The following TMEM232 variants were observed in gnomAD, a reference collection of about 807,000 sequenced individuals.
TMEM232 encodes transmembrane protein 232.
In TMEM232, 80 loss-of-function variants were observed where a neutral mutation model predicts 78.8. The ratio of observed to expected loss-of-function variants is 1.01; its 90% CI spans 0.85 to 1.22. The LOEUF (loss-of-function observed/expected upper bound fraction) is 1.22. TMEM232 is among the 50% of genes most tolerant of loss of function. TMEM232 has a pLI of 0.00. For synonymous variants in TMEM232, 297 were observed against 254.3 expected, an observed-to-expected ratio of 1.17 and a Z score of -1.60; for missense variants, 881 against 742.2, an observed-to-expected ratio of 1.19 and a Z score of -2.17.
chr5:110,399,708 T>C (rs1755523306), intron 2 of TMEM232, among the ~76,000 whole-genome samples: 1 of 152,162 alleles, frequency 6.6e-6, no homozygotes, highest in African/African-American at 2.4e-5. Context: ...AAGCTCTTCT[T>C]GATTTCCATC....
At chr5:110,716,820 A>G (rs952658243) in intron 1 of TMEM232, among the ~76,000 whole-genome samples, 7 of 152,182 alleles carry the variant, frequency 4.6e-5, no homozygotes, top group Non-Finnish European at 7.4e-5. Flanking sequence ...GTGTTTTAGA[A>G]GAACATTAAC....
chr5:110,705,767 T>C (rs56290107), intron 1 of TMEM232, among the ~76,000 whole-genome samples: 1 of 110,086 alleles, frequency 9.1e-6, no homozygotes, highest in African/African-American at 3.2e-5. Flanking sequence ...TGTGTGCGTG[T>C]GTGTGTGTGT....
chr5:110,456,978 C>G (rs964959209), intron 12 of TMEM232, among the ~76,000 whole-genome samples: 4 of 151,952 alleles, frequency 2.6e-5, no homozygotes, highest in South Asian at 2.1e-4. Context: ...TTCTTAGTTA[C>G]TATACGAAAA....
chr5:110,555,213 C>T (rs1251841236), intron 11 of TMEM232, among the ~76,000 whole-genome samples: 5 of 152,048 alleles, frequency 3.3e-5, no homozygotes, highest in African/African-American at 9.7e-5. Context: ...TATGTTGTAT[C>T]TTTGTTTTCA....
At chr5:110,399,974 G>A (rs545774070) in intron 2 of TMEM232, among the ~76,000 whole-genome samples, 5 of 152,218 alleles carry the variant, frequency 3.3e-5, no homozygotes, top group Middle Eastern at 3.4e-3. Context: ...GGTCCATTGC[G>A]GGGTGGAGAT....
At chr5:110,463,648 A>G (rs944884878) in intron 12 of TMEM232, among the ~76,000 whole-genome samples, 3 of 152,092 alleles carry the variant, frequency 2.0e-5, no homozygotes, top group Admixed American at 1.3e-4. Flanking sequence ...AAATGGTACA[A>G]TTCTCTCTAT....
At position 110,642,352 on chromosome 5, in the gene TMEM232, T is replaced by C. The variant is rs547056774; in HGVS notation, c.145A>G (p.Lys49Glu). The C allele has an allele frequency of 1.7e-5, 26 of 1,521,592 alleles. No individual in the cohort carries two copies. In the South Asian group the frequency reaches 3.2e-4, roughly 19 times the overall value. The allele number at this position is 1,521,592 out of a possible 1,614,324, so 94.3% of individuals were successfully genotyped here. A position where few individuals can be genotyped will look rare whatever the true frequency, so the allele number is the denominator to read the frequency against. The change falls in exon 3 of 14, where the codon AAA becomes GAA. Residue 49 changes from lysine (K) to glutamate (E), a missense_variant. Lys to Glu is a moderately conservative substitution (Grantham distance 56). Coordinates refer to ENST00000455884, the MANE Select transcript of TMEM232 (RefSeq NM_001039763.4). Reference sequence around the variant, plus strand: ...TGATTGAATCTCAAGATGAATTCTTTTGTGATTGAAAATGTTGGCCTAAAT... The same window carrying C: ...TGATTGAATCTCAAGATGAATTCTTCTGTGATTGAAAATGTTGGCCTAAAT... The part of the protein sequence containing the change: ...HKSRPTFSIT[K>E]EFILRFNQTQ...
At position 110,424,887 on chromosome 5, in the gene TMEM232, A is replaced by G. The variant is rs1305195103; in HGVS notation, c.1733T>C (p.Met578Thr). Residue 578 changes from methionine (M) to threonine (T), a missense_variant, in exon 13 of 14, where the codon ATG becomes ACG. Met to Thr is a moderately conservative substitution (Grantham distance 81, BLOSUM62 -1). Transcript: ENST00000455884. ...REHPSVSEIP[M>T]FPYPDFFTKA... is the part of the protein sequence containing the mutation. ...GGTGAAGAAATCTGGATATGGAAACATGGGAATTTCTGATACAGAAGGATG... is the reference window on the plus strand; with the variant it reads ...GGTGAAGAAATCTGGATATGGAAACGTGGGAATTTCTGATACAGAAGGATG... 6.5e-7 allele frequency: 1 copy of G among 1,550,368 alleles called. No homozygotes were observed.
At chr5:110,651,459 A>AAAGGGAAAGAGGGAAGGAGGGAGG (rs1788287138) in intron 2 of TMEM232, among the ~76,000 whole-genome samples, 1 of 150,856 alleles carries the variant, frequency 6.6e-6, no homozygotes, top group Non-Finnish European at 1.5e-5. Flanking sequence ...AGGGAAAGGG[A>AAAGGGAAAGAGGGAAGGAGGGAGG]AAGGGAAAGA....
At chr5:110,552,302 C>T (rs1027019191) in intron 11 of TMEM232, among the ~76,000 whole-genome samples, 4 of 151,706 alleles carry the variant, frequency 2.6e-5, no homozygotes, top group African/African-American at 9.7e-5. Context: ...GGAAAAAATA[C>T]AATGATAAAA....
chr5:110,422,937 C>G (rs926680700), intron 13 of TMEM232, among the ~76,000 whole-genome samples: 2 of 152,064 alleles, frequency 1.3e-5, no homozygotes, highest in African/African-American at 4.8e-5. Context: ...AATGGAAGCA[C>G]CATTTACTGC....
chr5:110,398,568 T>A (rs532032060), intron 2 of TMEM232, among the ~76,000 whole-genome samples: 2 of 152,250 alleles, frequency 1.3e-5, no homozygotes, highest in East Asian at 3.9e-4. Context: ...TGCCACATGC[T>A]AGTTATCTTG....
chr5:110,434,582 G>A (rs1258288719), intron 12 of TMEM232, among the ~76,000 whole-genome samples: 2 of 151,912 alleles, frequency 1.3e-5, no homozygotes, highest in Non-Finnish European at 2.9e-5. Context: ...AAATCGAGGA[G>A]GAAGGACACC....
At chr5:110,502,159 T>A (rs1235214377) in intron 12 of TMEM232, among the ~76,000 whole-genome samples, 1 of 152,186 alleles carries the variant, frequency 6.6e-6, no homozygotes, top group Non-Finnish European at 1.5e-5. Context: ...TGTTGTAATT[T>A]AAAAATATGG....
At chr5:110,412,993 A>G (rs914624519) in intron 2 of TMEM232, among the ~76,000 whole-genome samples, 1 of 152,150 alleles carries the variant, frequency 6.6e-6, no homozygotes, top group Non-Finnish European at 1.5e-5. Context: ...CTAACCTGAA[A>G]TCCATGTGTG....
intron 4 of TMEM232, among the ~76,000 whole-genome samples, chr5:110,640,417 T>A (rs973833069): frequency 1.3e-5 from 2 of 152,088 alleles, no homozygotes. Context: ...ATTTTTTTTT[T>A]AGATTAGTTA....
intron 3 of TMEM232, among the ~76,000 whole-genome samples, chr5:110,396,602 CCTAT>C (rs1305027200): frequency 6.6e-6 from 1 of 152,226 alleles, no homozygotes; most frequent in East Asian, 1.9e-4. Context: ...GCACCCAGCA[CCTAT>C]CTGAGGAGCT....
At chr5:110,588,297 A>G (rs1779100509) in intron 10 of TMEM232, among the ~76,000 whole-genome samples, 1 of 152,116 alleles carries the variant, frequency 6.6e-6, no homozygotes, top group South Asian at 2.1e-4. Context: ...GCCATATTTT[A>G]CTTTTTCCAT....
downstream of TMEM232, among the ~76,000 whole-genome samples, chr5:110,416,955 T>C (rs530877708): frequency 6.6e-6 from 1 of 152,232 alleles, no homozygotes; most frequent in African/African-American, 2.4e-5. Flanking sequence ...AAGCTTATGT[T>C]CATGCTTCTG....
Sources: allele counts gnomAD v4.1 joint callset (sites outside exome capture counted in the v4.1 genomes callset), GRCh38; gene constraint gnomAD v4.1.1; transcripts MANE v1.5; gene names NCBI Gene and HGNC (gene_info 2026-07-23, HGNC 2026-07-21).